SEMA6D: variants seen among roughly 807,000 people sequenced by gnomAD.
SEMA6D encodes the protein semaphorin-6D.
A neutral mutation model predicts 106.6 loss-of-function variants in SEMA6D; 35 were observed. The observed-to-expected ratio is 0.33, with a 90% CI of 0.25 to 0.44. The LOEUF is 0.44. Among genes scored for constraint, SEMA6D ranks in the 20% least tolerant of loss-of-function variants. SEMA6D has a pLI of 1.00. For missense variants in SEMA6D, 1,185 were observed against 1,345.9 expected (o/e 0.88, Z 1.87); for synonymous variants, 499 against 487.7 (o/e 1.02, Z -0.31).
intron 1 of SEMA6D, among the ~76,000 whole-genome samples, chr15:47,757,429 C>T (rs1465415514): frequency 1.3e-5 from 2 of 152,104 alleles, no homozygotes; most frequent in African/African-American, 2.4e-5. Context: ...TATACTACTT[C>T]AACTTTAGAA....
At position 47,374,609 on chromosome 15, in the gene SEMA6D, G is replaced by A. The variant is rs911491458; in HGVS notation, c.-238-37784G>A. Among the ~76,000 whole-genome samples, 54 of 152,132 alleles carry A rather than the reference G, an allele frequency of 3.5e-4. 1 individual carries two copies. The highest frequency in any genetic ancestry group is 1.5e-4 in the Non-Finnish European group (10 of 68,030). ...ATAGATGTTAAGGCTTGATTTGGCT[G>A]TGTCCACTACATATGAGGCCCACTG... On this transcript the variant is annotated intron_variant, in intron 1 of 19. Transcript: ENST00000558014.
intron 1 of SEMA6D, chr15:47,185,556 G>A (rs1893507505): frequency 6.6e-6 from 1 of 151,800 alleles, no homozygotes; most frequent in South Asian, 2.1e-4. Flanking sequence ...AGCTAGTCGA[G>A]TTGCATGGTG....
intron 2 of SEMA6D, among the ~76,000 whole-genome samples, chr15:47,443,260 C>A (rs2041934622): frequency 6.6e-6 from 1 of 152,116 alleles, no homozygotes; most frequent in Non-Finnish European, 1.5e-5. Flanking sequence ...ACTTGGCAAG[C>A]TGTTACAACT....
chr15:47,383,103 TTG>T (rs2039700697), intron 1 of SEMA6D, among the ~76,000 whole-genome samples: 1 of 152,188 alleles, frequency 6.6e-6, no homozygotes, highest in Non-Finnish European at 1.5e-5. Flanking sequence ...GAACTTCCCT[TTG>T]TGCCTGTCCT....
intron 1 of SEMA6D, among the ~76,000 whole-genome samples, chr15:47,728,589 G>A (rs557916303): frequency 6.3e-4 from 96 of 152,270 alleles, no homozygotes; most frequent in Non-Finnish European, 1.0e-3. Context: ...GTTTCCGATC[G>A]CTGTTGTAAC....
intron 1 of SEMA6D, among the ~76,000 whole-genome samples, chr15:47,338,819 C>T (rs938849424): frequency 3.9e-5 from 6 of 152,160 alleles, no homozygotes; most frequent in African/African-American, 1.2e-4. Flanking sequence ...GAATCTCTCT[C>T]TGTGACCTTC....
chr15:47,745,033 C>T (rs1198555658), intron 1 of SEMA6D, among the ~76,000 whole-genome samples: 1 of 152,150 alleles, frequency 6.6e-6, no homozygotes. Flanking sequence ...AGATTTTTTA[C>T]CTCCCTATTA....
chr15:47,698,798 C>A (rs2078751812), intron 4 of SEMA6D, among the ~76,000 whole-genome samples: 1 of 152,116 alleles, frequency 6.6e-6, no homozygotes, highest in South Asian at 2.1e-4. Context: ...ACATTCCATG[C>A]AGTCACTATC....
At chr15:47,428,075 G>C (rs949748071) in intron 2 of SEMA6D, among the ~76,000 whole-genome samples, 1 of 151,954 alleles carries the variant, frequency 6.6e-6, no homozygotes, top group Non-Finnish European at 1.5e-5. Flanking sequence ...AGAGATCTAT[G>C]CTTAAAAAAT....
At chr15:47,699,644 T>C (rs1215103281) in intron 4 of SEMA6D, among the ~76,000 whole-genome samples, 2 of 152,196 alleles carry the variant, frequency 1.3e-5, no homozygotes, top group African/African-American at 4.8e-5. Flanking sequence ...CTCCTGCATT[T>C]CACATCAATT....
At chr15:47,677,584 G>T (rs918142223) in intron 4 of SEMA6D, among the ~76,000 whole-genome samples, 8 of 152,206 alleles carry the variant, frequency 5.3e-5, no homozygotes, top group African/African-American at 1.9e-4. Context: ...AAGGCAGTTT[G>T]CCATAGTTAC....
intron 3 of SEMA6D, among the ~76,000 whole-genome samples, chr15:47,510,934 G>A (rs528058092): frequency 2.7e-4 from 41 of 152,122 alleles, no homozygotes; most frequent in Non-Finnish European, 5.6e-4. Context: ...TTATGACTTA[G>A]ATTAATGTGA....
chr15:47,217,790 A>G (rs952791209), intron 1 of SEMA6D, among the ~76,000 whole-genome samples: 6 of 151,476 alleles, frequency 4.0e-5, no homozygotes, highest in Non-Finnish European at 8.8e-5. Context: ...TATGTTGTGC[A>G]TATGTGTATA....
intron 1 of SEMA6D, among the ~76,000 whole-genome samples, chr15:47,224,374 A>C (rs1412617605): frequency 2.0e-5 from 3 of 152,030 alleles, no homozygotes; most frequent in African/African-American, 7.2e-5. Context: ...TAATAATGAT[A>C]ATTGCACCCA....
At chr15:47,447,702 TAATC>T (rs1463225879) in intron 2 of SEMA6D, among the ~76,000 whole-genome samples, 5 of 152,140 alleles carry the variant, frequency 3.3e-5, no homozygotes, top group African/African-American at 1.2e-4. Context: ...TTTAGCAAAT[TAATC>T]AAACCCAAGG....
intron 2 of SEMA6D, among the ~76,000 whole-genome samples, chr15:47,468,163 CTG>C (rs2042720055): frequency 6.6e-6 from 1 of 151,930 alleles, no homozygotes. Context: ...ATATATGTTA[CTG>C]TGTGTTTGTG....
rs1381019938 is a variant in SEMA6D at position 47,735,733 on chromosome 15, T to C, written c.-55+18041T>C. Among the ~76,000 whole-genome samples the C allele has an allele frequency of 1.3e-5, 2 of 152,256 alleles. 1 individual carries two copies. The highest frequency in any genetic ancestry group is 6.8e-3 in the Middle Eastern group (2 of 294). ...AAACGTTTGCATCATTAAGTTGGTC[T>C]CTCCACTTCACAAGCCTGCCGTCGG... On this transcript the variant is annotated intron_variant, in intron 1 of 18. Coordinates refer to ENST00000536845, the MANE Select transcript of SEMA6D (RefSeq NM_001358351.3).
intron 2 of SEMA6D, among the ~76,000 whole-genome samples, chr15:47,422,265 T>C (rs1418789456): frequency 6.6e-6 from 1 of 150,510 alleles, no homozygotes; most frequent in East Asian, 2.0e-4. Flanking sequence ...TGTTGGAGTC[T>C]TTAGTCAGGT....
chr15:47,648,007 G>A (rs78392923), intron 4 of SEMA6D, among the ~76,000 whole-genome samples: 7,541 of 152,142 alleles, frequency 0.05, 639 homozygotes, highest in African/African-American at 0.17. Flanking sequence ...AAAGAAAAAT[G>A]TAAACTTACT....
Sources: gnomAD v4.1 joint callset for allele counts (sites outside exome capture counted in the v4.1 genomes callset) on GRCh38, gnomAD v4.1.1 for gene constraint, MANE v1.5 for transcripts, NCBI Gene and HGNC (gene_info 2026-07-23, HGNC 2026-07-21) for gene names.